The following ANK1 variants were observed in gnomAD, a reference collection of about 807,000 sequenced individuals.
ANK1 encodes ankyrin 1, also known as ankyrin-1.
A neutral mutation model predicts 210.4 loss-of-function variants in ANK1; 51 were observed. That is an observed-to-expected ratio of 0.24 (90% CI 0.19 to 0.31). The LOEUF is 0.31. ANK1 is among the 10% of genes least tolerant of loss of function. The pLI, the probability that ANK1 is intolerant of heterozygous loss-of-function variation, is 1.00. For synonymous variants in ANK1, 967 were observed against 1,025.9 expected (o/e 0.94, Z 1.10); for missense variants, 2,051 against 2,504.4 (o/e 0.82, Z 3.86).
intron 1 of ANK1, among the ~76,000 whole-genome samples, chr8:41,859,081 G>A (rs1179836503): frequency 6.6e-6 from 1 of 152,242 alleles, no homozygotes; most frequent in Non-Finnish European, 1.5e-5. Flanking sequence ...GCTGAAAGGG[G>A]TCAAGGGAAT....
chr8:41,774,162 A>T (rs1381242426), intron 1 of ANK1, among the ~76,000 whole-genome samples: 4 of 152,046 alleles, frequency 2.6e-5, no homozygotes, highest in Non-Finnish European at 5.9e-5. Context: ...ATCTCCGCTC[A>T]ACTCAGAATC....
At chr8:41,801,563 G>A (rs1849863908), upstream of ANK1, among the ~76,000 whole-genome samples, 2 of 152,166 alleles carry the variant, frequency 1.3e-5, no homozygotes. Context: ...AATCTGGTTG[G>A]TATAAAATGG....
chr8:41,805,078 G>GTC (rs1850724200), intron 1 of ANK1, among the ~76,000 whole-genome samples: 1 of 151,542 alleles, frequency 6.6e-6, no homozygotes, highest in South Asian at 2.1e-4. Flanking sequence ...GTGTGTGTGT[G>GTC]TGTGTCGTGT....
exon 1 of ANK1, chr8:41,896,708 C>T (rs1311094834): frequency 9.4e-6 from 3 of 317,946 alleles, no homozygotes; most frequent in African/African-American, 4.5e-5. Context: ...CCGCCGCGGC[C>T]GGAGCTCGCT....
Position 41,690,482 on chromosome 8 carries a change from G to A in ANK1, c.3976C>T (p.Pro1326Ser), listed in dbSNP as rs762000465. ...CCAGAGGGTGCCGGCACCTTTACAG[G>A]CATGGCCAGACGGTTCTCCCGAAAT... ...QSFRENRLAM[P>S]VKVRDSSREP... Residue 1326 changes from proline (P) to serine (S), a missense_variant, in exon 32 of 43, where the codon CCT becomes TCT. Around this residue, in one of 6 missense-constraint regions of ANK1, gnomAD observed 1,413 missense variants for 1,707.4 expected, o/e 0.83. Transcript: ENST00000289734. 4.8e-5 allele frequency: 77 copies of A among 1,614,058 alleles called. No homozygotes were observed. The South Asian group carries it at 8.2e-4, about 17-fold the overall frequency.
intron 1 of ANK1, among the ~76,000 whole-genome samples, chr8:41,852,724 A>C (rs974132275): frequency 1.3e-5 from 2 of 152,222 alleles, no homozygotes; most frequent in African/African-American, 4.8e-5. Context: ...TGATTTATCG[A>C]GGATGACGCC....
intron 20 of ANK1, among the ~76,000 whole-genome samples, chr8:41,703,400 ATGTG>A (rs1199694080): frequency 6.1e-4 from 45 of 73,860 alleles, no homozygotes; most frequent in African/African-American, 1.6e-3. Context: ...ATATATGTAT[ATGTG>A]TGTGTGTGTG....
At chr8:41,685,645 AT>A (rs11305585) in intron 36 of ANK1, among the ~76,000 whole-genome samples, 83,877 of 151,856 alleles carry the variant, frequency 0.55, 23,424 homozygotes, top group Middle Eastern at 0.61. Flanking sequence ...TTTTTATGTT[AT>A]TTTTTTTAGA....
chr8:41,685,834 C>T (rs1817549966), intron 36 of ANK1, among the ~76,000 whole-genome samples: 2 of 152,180 alleles, frequency 1.3e-5, no homozygotes, highest in African/African-American at 4.8e-5. Context: ...AGTCTGTTCT[C>T]GAACTCCTAG....
At chr8:41,886,229 A>G (rs1267734270) in intron 1 of ANK1, among the ~76,000 whole-genome samples, 1 of 152,198 alleles carries the variant, frequency 6.6e-6, no homozygotes, top group East Asian at 1.9e-4. Flanking sequence ...GGCAGCCCCA[A>G]GGTGGATATG....
chr8:41,740,474 G>A (rs889390831), intron 2 of ANK1, among the ~76,000 whole-genome samples: 1 of 151,870 alleles, frequency 6.6e-6, no homozygotes, highest in African/African-American at 2.4e-5. Flanking sequence ...GCTTGTTATT[G>A]GTGTAGAATC....
intron 1 of ANK1, among the ~76,000 whole-genome samples, chr8:41,809,754 G>T (rs1369351329): frequency 6.6e-6 from 1 of 152,174 alleles, no homozygotes; most frequent in Non-Finnish European, 1.5e-5. Flanking sequence ...GTGACAGAGT[G>T]AGACCCCACC....
At chr8:41,721,833 G>A (rs1423776151) in intron 9 of ANK1, among the ~76,000 whole-genome samples, 1 of 152,136 alleles carries the variant, frequency 6.6e-6, no homozygotes, top group Non-Finnish European at 1.5e-5. Context: ...ATTTCAGAAA[G>A]GTTGTACGAT....
chr8:41,737,807 A>T (rs1833805756), intron 2 of ANK1, among the ~76,000 whole-genome samples: 1 of 152,174 alleles, frequency 6.6e-6, no homozygotes, highest in African/African-American at 2.4e-5. Context: ...CAATGCCTGT[A>T]AAAAACACAT....
chr8:41,829,070 T>G (rs1806083416), intron 1 of ANK1: 1 of 152,274 alleles, frequency 6.6e-6, no homozygotes, highest in South Asian at 2.1e-4. Flanking sequence ...GAGGGTCCCC[T>G]GCTCACCGGA....
At chr8:41,688,048 C>T in intron 35 of ANK1, 108 bp downstream of exon 35, 2 of 1,327,954 alleles carry the variant, frequency 1.5e-6, no homozygotes, top group Non-Finnish European at 1.1e-6. Flanking sequence ...TCAGATAACC[C>T]ACGGGTGATA....
intron 1 of ANK1, among the ~76,000 whole-genome samples, chr8:41,779,658 T>A (rs1844859920): frequency 6.6e-6 from 1 of 152,216 alleles, no homozygotes; most frequent in African/African-American, 2.4e-5. Context: ...TGCTGGGCAC[T>A]GCTCTAAGCA....
At chr8:41,731,801 G>A (rs1832246831) in intron 3 of ANK1, among the ~76,000 whole-genome samples, 2 of 152,216 alleles carry the variant, frequency 1.3e-5, no homozygotes, top group Non-Finnish European at 2.9e-5. Flanking sequence ...GGAAACAGTC[G>A]AAGCGCTGAA....
intron 37 of ANK1, among the ~76,000 whole-genome samples, chr8:41,683,031 C>CACGGACACACACACACATGT (rs147956820): frequency 0.018 from 2,754 of 152,160 alleles, 81 homozygotes; most frequent in African/African-American, 0.057. Flanking sequence ...CAGCAACACC[C>CACGGACACACACACACATGT]ACGGACACAC....
Sources: allele counts gnomAD v4.1 joint callset (sites outside exome capture counted in the v4.1 genomes callset), GRCh38; gene constraint gnomAD v4.1.1; regional missense constraint gnomAD v4.1.1; transcripts MANE v1.5; gene names NCBI Gene and HGNC (gene_info 2026-07-23, HGNC 2026-07-21).